Variants in MAML2 observed in about 807,000 individuals in gnomAD.
The protein encoded by MAML2 is mastermind like transcriptional coactivator 2.
Under a neutral mutation model 96.1 loss-of-function variants are expected in MAML2, and 22 were observed. The ratio of observed to expected loss-of-function variants is 0.23; its 90% CI spans 0.16 to 0.33. The LOEUF (loss-of-function observed/expected upper bound fraction) is 0.33, where lower values mean the gene tolerates loss of function less well. Among genes scored for constraint, MAML2 ranks in the 10% least tolerant of loss-of-function variants. MAML2 has a pLI of 1.00. For missense variants in MAML2, 1,367 were observed against 1,392.4 expected (o/e 0.98, Z 0.29); for synonymous variants, 561 against 521.3 (o/e 1.08, Z -1.04).
intron 1 of MAML2, among the ~76,000 whole-genome samples, chr11:96,179,705 G>A (rs1035728607): frequency 6.6e-6 from 1 of 152,206 alleles, no homozygotes; most frequent in Non-Finnish European, 1.5e-5. Context: ...TGTGGTCTAG[G>A]AGGGACCTGG....
At chr11:96,325,440 T>A (rs1046355033) in intron 1 of MAML2, among the ~76,000 whole-genome samples, 2 of 152,194 alleles carry the variant, frequency 1.3e-5, no homozygotes, top group Non-Finnish European at 2.9e-5. Flanking sequence ...TAAGATATTA[T>A]TACCATTTCT....
At chr11:96,034,335 C>T (rs1320650783) in intron 2 of MAML2, among the ~76,000 whole-genome samples, 6 of 152,000 alleles carry the variant, frequency 3.9e-5, no homozygotes, top group Admixed American at 3.9e-4. Context: ...AATATGACCC[C>T]CATCTCCCTG....
intron 2 of MAML2, among the ~76,000 whole-genome samples, chr11:95,994,667 T>A (rs1857965271): frequency 6.6e-6 from 1 of 152,188 alleles, no homozygotes; most frequent in African/African-American, 2.4e-5. Context: ...GATGGTAGTT[T>A]GCTTTCTACT....
At chr11:96,002,177 C>T (rs1565186113) in intron 2 of MAML2, among the ~76,000 whole-genome samples, 2 of 152,124 alleles carry the variant, frequency 1.3e-5, no homozygotes, top group Non-Finnish European at 2.9e-5. Context: ...ATTTTAAGTG[C>T]TTTGAAGGCT....
chr11:96,091,129 A>T (rs138465874), intron 2 of MAML2, among the ~76,000 whole-genome samples: 2 of 152,170 alleles, frequency 1.3e-5, no homozygotes, highest in Non-Finnish European at 2.9e-5. Context: ...CCTCTGTTTT[A>T]TGTTAACCAA....
At chr11:96,269,907 A>G (rs1433142657) in intron 1 of MAML2, among the ~76,000 whole-genome samples, 12 of 143,822 alleles carry the variant, frequency 8.3e-5, no homozygotes, top group Non-Finnish European at 1.6e-4. Context: ...CTTGACCTCT[A>G]AACGTTGGGA....
At chr11:96,274,312 G>A (rs919228071) in intron 1 of MAML2, among the ~76,000 whole-genome samples, 2 of 151,914 alleles carry the variant, frequency 1.3e-5, no homozygotes, top group Non-Finnish European at 2.9e-5. Flanking sequence ...TCGATCTCCT[G>A]ACCTTGTGAT....
chr11:95,989,668 G>C (rs867865129), intron 3 of MAML2, among the ~76,000 whole-genome samples: 15 of 123,626 alleles, frequency 1.2e-4, no homozygotes, highest in Admixed American at 4.4e-4. Flanking sequence ...AAGGGAACAG[G>C]GGGGAGGACT....
intron 1 of MAML2, among the ~76,000 whole-genome samples, chr11:96,241,083 TA>T (rs1862432854): frequency 6.6e-6 from 1 of 152,236 alleles, no homozygotes; most frequent in African/African-American, 2.4e-5. Context: ...ATTCTGCAAT[TA>T]TTTTTTGATC....
chr11:96,047,910 C>CAAAAAAAAAAA (rs71459784), intron 2 of MAML2, among the ~76,000 whole-genome samples: 1 of 82,462 alleles, frequency 1.2e-5, no homozygotes, highest in African/African-American at 4.4e-5. Flanking sequence ...GACTCTGCCT[C>CAAAAAAAAAAA]AAAAAAAAAA....
chr11:96,034,195 A>G (rs1858662728), intron 2 of MAML2, among the ~76,000 whole-genome samples: 2 of 152,216 alleles, frequency 1.3e-5, no homozygotes, highest in African/African-American at 4.8e-5. Context: ...CATCTAAAAC[A>G]TTGTAGTACT....
At chr11:96,171,114 T>C (rs1303654926) in intron 1 of MAML2, among the ~76,000 whole-genome samples, 1 of 152,062 alleles carries the variant, frequency 6.6e-6, no homozygotes, top group African/African-American at 2.4e-5. Context: ...CCACCTCTTT[T>C]CTTTTTCATT....
chr11:96,297,083 C>T (rs1274880396), intron 1 of MAML2, among the ~76,000 whole-genome samples: 1 of 152,128 alleles, frequency 6.6e-6, no homozygotes, highest in African/African-American at 2.4e-5. Context: ...TTAAGAGCAT[C>T]ATTGACCTCA....
chr11:96,227,896 G>GT (rs1862237977), intron 1 of MAML2, among the ~76,000 whole-genome samples: 1 of 152,222 alleles, frequency 6.6e-6, no homozygotes, highest in African/African-American at 2.4e-5. Flanking sequence ...CAGCCCAGAA[G>GT]TTTGAGACCG....
intron 2 of MAML2, among the ~76,000 whole-genome samples, chr11:96,069,614 C>T (rs970941840): frequency 5.3e-5 from 8 of 151,986 alleles, no homozygotes; most frequent in Non-Finnish European, 7.4e-5. Flanking sequence ...GAGGTTGAGA[C>T]GGCAGTGAGT....
At chr11:96,025,407 G>A (rs913654002) in intron 2 of MAML2, among the ~76,000 whole-genome samples, 4 of 152,060 alleles carry the variant, frequency 2.6e-5, no homozygotes, top group African/African-American at 7.2e-5. Context: ...GGGGGAGGGG[G>A]GAGGTGGACA....
chr11:96,161,307 G>A (rs1356662935), intron 1 of MAML2, among the ~76,000 whole-genome samples: 1 of 152,218 alleles, frequency 6.6e-6, no homozygotes, highest in African/African-American at 2.4e-5. Context: ...ATAGGCATTT[G>A]AGGGAAAAGT....
At chr11:96,211,652 T>G (rs1718220465) in intron 1 of MAML2, among the ~76,000 whole-genome samples, 1 of 152,046 alleles carries the variant, frequency 6.6e-6, no homozygotes. Flanking sequence ...AGGCAAGTAC[T>G]TGAGGAAATG....
At chr11:95,996,101 A>C (rs914763442) in intron 2 of MAML2, among the ~76,000 whole-genome samples, 13 of 149,078 alleles carry the variant, frequency 8.7e-5, no homozygotes, top group African/African-American at 3.2e-4. Context: ...TCAATCTCAG[A>C]TCACCTAATG....
Sources: allele counts gnomAD v4.1 joint callset (sites outside exome capture counted in the v4.1 genomes callset), GRCh38; gene constraint gnomAD v4.1.1; transcripts MANE v1.5; gene names NCBI Gene and HGNC (gene_info 2026-07-23, HGNC 2026-07-21).